Variants in TAS2R1 observed in about 807,000 individuals in gnomAD.
TAS2R1 encodes taste 2 receptor member 1, also known as taste receptor type 2 member 1.
For missense variants in TAS2R1, 370 were observed against 353.4 expected (o/e 1.05, Z -0.38); for synonymous variants, 141 against 134.2 (o/e 1.05, Z -0.35).
intron 1 of TAS2R1, among the ~76,000 whole-genome samples, chr5:9,708,229 G>A (rs948625689): frequency 5.3e-5 from 8 of 152,320 alleles, no homozygotes; most frequent in African/African-American, 1.7e-4. Flanking sequence ...AAATCAGAGG[G>A]AGCGTATCCT....
the TAS2R1 span, among the ~76,000 whole-genome samples, chr5:9,790,152 T>A: frequency 2.0e-5 from 3 of 152,204 alleles, no homozygotes; most frequent in Admixed American, 6.5e-5. Flanking sequence ...GGGCAGTGAA[T>A]GTTTTCAACA....
rs1268721552 is a variant in TAS2R1, at chr5:9,629,049, G to T, written c.*84C>A. ...GGACATGTTGTATATTTATGAACAGGCTGCTTTGTCTGGCTGAGGGAAGTG... is the reference window on the plus strand; with the variant it reads ...GGACATGTTGTATATTTATGAACAGTCTGCTTTGTCTGGCTGAGGGAAGTG... On this transcript the variant is annotated 3_prime_UTR_variant, in exon 1 of 1. Transcript: ENST00000382492. 2 of 1,393,454 alleles carry T rather than the reference G, an allele frequency of 1.4e-6. No individual in the cohort carries two copies. Among genetic ancestry groups the T allele is most frequent in the Non-Finnish European group, 1.9e-6 (2 of 1,040,468 alleles). 86.3% of individuals were successfully genotyped at this position (1,393,454 alleles called of 1,614,324 possible).
At chr5:9,793,238 G>C in the TAS2R1 span, among the ~76,000 whole-genome samples, 1 of 152,162 alleles carries the variant, frequency 6.6e-6, no homozygotes, top group East Asian at 1.9e-4. Flanking sequence ...AGGGGAAAGG[G>C]CATAGGAAAT....
the TAS2R1 span, among the ~76,000 whole-genome samples, chr5:9,802,138 A>G: frequency 6.6e-6 from 1 of 152,132 alleles, no homozygotes; most frequent in Non-Finnish European, 1.5e-5. Flanking sequence ...CCAACACACT[A>G]AACCAAAATA....
At chr5:9,799,875 AAC>A in the TAS2R1 span, among the ~76,000 whole-genome samples, 6 of 152,204 alleles carry the variant, frequency 3.9e-5, no homozygotes, top group Admixed American at 3.9e-4. Context: ...TAAACTTCCT[AAC>A]ACAGTATTTC....
intron 1 of TAS2R1, among the ~76,000 whole-genome samples, chr5:9,684,505 T>C (rs1464255726): frequency 2.0e-5 from 3 of 152,192 alleles, no homozygotes; most frequent in Admixed American, 6.5e-5. Context: ...GGATACACAA[T>C]AGCTTACTGT....
At chr5:9,751,638 G>A in the TAS2R1 span, among the ~76,000 whole-genome samples, 1 of 152,092 alleles carries the variant, frequency 6.6e-6, no homozygotes, top group Non-Finnish European at 1.5e-5. Flanking sequence ...TACTCTCAGT[G>A]ACTCTATATA....
chr5:9,629,196 T>A lies in TAS2R1; in HGVS notation c.837A>T (p.Leu279Phe), dbSNP rs933530598. 3.6e-5 allele frequency: 57 copies of A among 1,593,588 alleles called. No homozygotes were observed. The highest frequency in any genetic ancestry group is 4.8e-5 in the Non-Finnish European group (56 of 1,173,398). Reference sequence around the variant, plus strand: ...CATTTTGTTTCAATTTAGGATTTCCTAAAATTAAGATGAGAGAGTGTCCAG... The same window carrying A: ...CATTTTGTTTCAATTTAGGATTTCCAAAAATTAAGATGAGAGAGTGTCCAG... ...YPSGHSLILI[L>F]GNPKLKQNAK... Residue 279 changes from leucine (L) to phenylalanine (F), a missense_variant, in exon 1 of 1, where the codon TTA becomes TTT. Coordinates refer to ENST00000382492, the MANE Select transcript of TAS2R1 (RefSeq NM_019599.3).
At chr5:9,760,004 T>C in the TAS2R1 span, among the ~76,000 whole-genome samples, 1 of 152,130 alleles carries the variant, frequency 6.6e-6, no homozygotes. Flanking sequence ...ATTATCAATA[T>C]CAGAACTTAA....
At chr5:9,724,061 C>T in the TAS2R1 span, among the ~76,000 whole-genome samples, 1,287 of 152,274 alleles carry the variant, frequency 8.5e-3, 13 homozygotes, top group African/African-American at 0.025. Context: ...AGGGCTTCTT[C>T]GTGAAGACTT....
intron 1 of TAS2R1, among the ~76,000 whole-genome samples, chr5:9,686,062 G>T (rs1318609450): frequency 1.3e-5 from 2 of 151,906 alleles, no homozygotes; most frequent in Admixed American, 6.6e-5. Context: ...ACAGGGTTTC[G>T]CCATGTTGAC....
the TAS2R1 span, among the ~76,000 whole-genome samples, chr5:9,801,343 C>T: frequency 4.6e-5 from 7 of 152,228 alleles, no homozygotes; most frequent in African/African-American, 7.2e-5. Flanking sequence ...CTTTAAGCCA[C>T]TCAGTCTATG....
chr5:9,798,162 G>A, the TAS2R1 span, among the ~76,000 whole-genome samples: 9 of 152,106 alleles, frequency 5.9e-5, no homozygotes, highest in African/African-American at 2.2e-4. Context: ...TAATATGAAC[G>A]ATCTTTTCTT....
chr5:9,778,451 G>A, the TAS2R1 span, among the ~76,000 whole-genome samples: 1 of 152,200 alleles, frequency 6.6e-6, no homozygotes, highest in East Asian at 1.9e-4. Context: ...TAATCAATCT[G>A]TCTCCCAAAG....
chr5:9,903,468 C>A, the TAS2R1 span: 1 of 152,094 alleles, frequency 6.6e-6, no homozygotes, highest in Admixed American at 6.6e-5. Flanking sequence ...TCTTTTATCC[C>A]AACCCTCACC....
At chr5:9,899,039 C>A in the TAS2R1 span, among the ~76,000 whole-genome samples, 1 of 152,172 alleles carries the variant, frequency 6.6e-6, no homozygotes, top group South Asian at 2.1e-4. Context: ...GTGTATTTCT[C>A]TTTTGGACAC....
chr5:9,826,026 CA>C, the TAS2R1 span, among the ~76,000 whole-genome samples: 1 of 152,100 alleles, frequency 6.6e-6, no homozygotes, highest in Non-Finnish European at 1.5e-5. Flanking sequence ...GTTTCTAGGC[CA>C]TTTCAGTGGT....
chr5:9,880,598 G>A, the TAS2R1 span, among the ~76,000 whole-genome samples: 1 of 152,116 alleles, frequency 6.6e-6, no homozygotes, highest in Admixed American at 6.6e-5. Flanking sequence ...CTATCATGTA[G>A]ATGACAAGAG....
intron 1 of TAS2R1, among the ~76,000 whole-genome samples, chr5:9,688,498 A>G (rs1305448893): frequency 6.6e-6 from 1 of 152,164 alleles, no homozygotes; most frequent in Non-Finnish European, 1.5e-5. Flanking sequence ...AGACAGCCCC[A>G]TAGGAGCTGG....
Sources: gnomAD v4.1 joint callset for allele counts (sites outside exome capture counted in the v4.1 genomes callset) on GRCh38, gnomAD v4.1.1 for gene constraint, MANE v1.5 for transcripts, NCBI Gene and HGNC (gene_info 2026-07-23, HGNC 2026-07-21) for gene names.